Variants in SLC24A2 observed in about 807,000 individuals in gnomAD.
SLC24A2 encodes solute carrier family 24 member 2.
In SLC24A2, 36 loss-of-function variants were observed where a neutral mutation model predicts 62.0. That is an observed-to-expected ratio of 0.58 (90% confidence interval 0.44 to 0.77). The LOEUF (loss-of-function observed/expected upper bound fraction) is 0.77. Ranked by LOEUF, SLC24A2 falls within the 30% of genes least tolerant of loss-of-function variation. The pLI is 0.00. For missense variants in SLC24A2, 846 were observed against 817.9 expected, an observed-to-expected ratio of 1.03 and a Z score of -0.42; for synonymous variants, 358 against 294.0, an observed-to-expected ratio of 1.22 and a Z score of -2.23.
At chr9:19,975,952 T>C in the SLC24A2 span, among the ~76,000 whole-genome samples, 2 of 152,112 alleles carry the variant, frequency 1.3e-5, no homozygotes, top group South Asian at 2.1e-4. Flanking sequence ...ATCACCCAAA[T>C]TGGAATGCAC....
the SLC24A2 span, among the ~76,000 whole-genome samples, chr9:19,838,041 C>T: frequency 6.6e-6 from 1 of 150,776 alleles, no homozygotes; most frequent in Non-Finnish European, 1.5e-5. Context: ...CTACCAATGC[C>T]TTTCTTCACA....
the SLC24A2 span, among the ~76,000 whole-genome samples, chr9:19,909,034 T>C: frequency 6.6e-5 from 10 of 152,288 alleles, no homozygotes; most frequent in Admixed American, 3.9e-4. Context: ...CATGCACACG[T>C]ATGTTTATTG....
the SLC24A2 span, among the ~76,000 whole-genome samples, chr9:20,110,447 C>T: frequency 1.4e-5 from 2 of 144,780 alleles, no homozygotes; most frequent in East Asian, 2.6e-4. Flanking sequence ...CAACTTCTTT[C>T]ACTAAATGCA....
the SLC24A2 span, among the ~76,000 whole-genome samples, chr9:20,291,546 T>C: frequency 6.6e-6 from 1 of 152,108 alleles, no homozygotes; most frequent in African/African-American, 2.4e-5. Context: ...AAATGGAGAA[T>C]GAGGCTCTGA....
chr9:19,735,424 T>C (rs1361805411), intron 2 of SLC24A2, among the ~76,000 whole-genome samples: 2 of 151,974 alleles, frequency 1.3e-5, no homozygotes, highest in Non-Finnish European at 2.9e-5. Flanking sequence ...GTAAACTAGT[T>C]CAACCATTGT....
At chr9:19,540,333 G>A (rs960757098) in intron 8 of SLC24A2, among the ~76,000 whole-genome samples, 79 of 144,858 alleles carry the variant, frequency 5.5e-4, no homozygotes, top group Admixed American at 4.4e-3. Context: ...TGATTTTGCA[G>A]CGGCTGGTAC....
intron 2 of SLC24A2, among the ~76,000 whole-genome samples, chr9:19,680,605 C>CATATATATATAT (rs3086327): frequency 0.011 from 1,651 of 147,644 alleles, 14 homozygotes; most frequent in Admixed American, 0.022. Context: ...AGTTCTATAA[C>CATATATATATAT]ATATATATAT....
At chr9:20,141,251 C>T in the SLC24A2 span, among the ~76,000 whole-genome samples, 1 of 152,068 alleles carries the variant, frequency 6.6e-6, no homozygotes, top group Non-Finnish European at 1.5e-5. Flanking sequence ...AGACAGCTGT[C>T]TTTCCTCTAT....
intron 7 of SLC24A2, among the ~76,000 whole-genome samples, chr9:19,563,824 TCC>T (rs1835530511): frequency 1.3e-5 from 1 of 76,592 alleles, no homozygotes; most frequent in Non-Finnish European, 2.4e-5. Flanking sequence ...CTTCCTTCCT[TCC>T]TCCCTCCCTC....
the SLC24A2 span, among the ~76,000 whole-genome samples, chr9:20,274,596 C>T: frequency 5.3e-5 from 8 of 152,076 alleles, no homozygotes; most frequent in Non-Finnish European, 8.8e-5. Flanking sequence ...AAAGGGAACC[C>T]TGGAAAGGCT....
the SLC24A2 span, among the ~76,000 whole-genome samples, chr9:19,997,139 C>G: frequency 1.3e-5 from 2 of 152,072 alleles, no homozygotes; most frequent in Non-Finnish European, 2.9e-5. Context: ...TTCCTCAAGA[C>G]AAGAAGAGAG....
chr9:19,933,117 G>C, the SLC24A2 span, among the ~76,000 whole-genome samples: 1 of 152,186 alleles, frequency 6.6e-6, no homozygotes, highest in Non-Finnish European at 1.5e-5. Context: ...CCAGGTTCTA[G>C]GAGCAGAACC....
the SLC24A2 span, among the ~76,000 whole-genome samples, chr9:20,025,299 T>G: frequency 6.6e-6 from 1 of 152,144 alleles, no homozygotes; most frequent in Non-Finnish European, 1.5e-5. Context: ...TCCTAACACT[T>G]GGTCACTCAG....
At chr9:20,298,910 T>G in the SLC24A2 span, among the ~76,000 whole-genome samples, 1 of 152,244 alleles carries the variant, frequency 6.6e-6, no homozygotes, top group Non-Finnish European at 1.5e-5. Context: ...GAGGCTCATA[T>G]GACTCTAAGT....
the SLC24A2 span, among the ~76,000 whole-genome samples, chr9:20,086,269 T>A: frequency 2.6e-5 from 4 of 151,990 alleles, no homozygotes; most frequent in African/African-American, 7.3e-5. Context: ...ATCCTCCCCA[T>A]TCTCCACTGT....
Position 19,557,924 on chromosome 9 carries a change from A to G in SLC24A2, c.1348-7656T>C, listed in dbSNP as rs1437096643. 5.9e-5 allele frequency among the ~76,000 whole-genome samples: 9 copies of G among 151,554 alleles called. 1 individual carries two copies. The highest frequency in any genetic ancestry group is 5.9e-5 in the Non-Finnish European group (4 of 67,920). ...GCCTCCATCTCCCTGGGCTCAAGCAATCCTCCCACTTTAGCCTCCCAAGTA... is the reference window on the plus strand; with the variant it reads ...GCCTCCATCTCCCTGGGCTCAAGCAGTCCTCCCACTTTAGCCTCCCAAGTA... On this transcript the variant is annotated intron_variant, in intron 7 of 10. Transcript: ENST00000341998.
the SLC24A2 span, among the ~76,000 whole-genome samples, chr9:20,055,167 G>C: frequency 6.6e-6 from 1 of 152,046 alleles, no homozygotes; most frequent in East Asian, 1.9e-4. Flanking sequence ...CCCTTGCTGC[G>C]TCAAGACTTT....
At chr9:19,900,265 C>T in the SLC24A2 span, among the ~76,000 whole-genome samples, 1 of 152,118 alleles carries the variant, frequency 6.6e-6, no homozygotes, top group African/African-American at 2.4e-5. Flanking sequence ...TCACTTTTTA[C>T]CCAAGAACAA....
intron 2 of SLC24A2, among the ~76,000 whole-genome samples, chr9:19,703,641 G>A (rs1406699875): frequency 6.6e-6 from 1 of 152,168 alleles, no homozygotes; most frequent in East Asian, 1.9e-4. Context: ...GTGTTGAAGG[G>A]TGGATAAAAT....
Sources: allele counts gnomAD v4.1 joint callset (sites outside exome capture counted in the v4.1 genomes callset), GRCh38; gene constraint gnomAD v4.1.1; transcripts MANE v1.5; gene names NCBI Gene and HGNC (gene_info 2026-07-23, HGNC 2026-07-21).